GALNTL6: variants seen among roughly 807,000 people sequenced by gnomAD.
GALNTL6 encodes polypeptide N-acetylgalactosaminyltransferase-like 6.
Under a neutral mutation model 73.7 loss-of-function variants are expected in GALNTL6, and 46 were observed. The observed-to-expected ratio is 0.62, with a 90% CI of 0.49 to 0.80. GALNTL6 has a LOEUF of 0.80. Ranked by LOEUF, GALNTL6 falls within the 30% of genes least tolerant of loss-of-function variation. The pLI is 0.00. For missense variants in GALNTL6, 604 were observed against 755.0 expected (o/e 0.80, Z 2.34); for synonymous variants, 259 against 263.7 (o/e 0.98, Z 0.17).
chr4:172,540,456 A>G (rs1735511412), intron 5 of GALNTL6, among the ~76,000 whole-genome samples: 1 of 152,090 alleles, frequency 6.6e-6, no homozygotes, highest in East Asian at 1.9e-4. Context: ...CAAAAAATAA[A>G]AATAAATAAA....
intron 2 of GALNTL6, among the ~76,000 whole-genome samples, chr4:172,009,700 C>A (rs1360438380): frequency 1.3e-5 from 2 of 152,006 alleles, no homozygotes; most frequent in African/African-American, 4.8e-5. Flanking sequence ...CTATTGGTTT[C>A]TTTTGCTTTA....
chr4:172,486,975 C>T (rs1276236312), intron 5 of GALNTL6, among the ~76,000 whole-genome samples: 1 of 152,146 alleles, frequency 6.6e-6, no homozygotes, highest in Non-Finnish European at 1.5e-5. Context: ...GTATAAATCA[C>T]CTATTTCATT....
chr4:172,810,691 C>T (rs965628660), intron 6 of GALNTL6, among the ~76,000 whole-genome samples: 28 of 152,270 alleles, frequency 1.8e-4, no homozygotes, highest in African/African-American at 6.0e-4. Context: ...CAGCCACATA[C>T]GCCTGCACAG....
At chr4:172,696,904 A>G (rs11736072) in intron 5 of GALNTL6, among the ~76,000 whole-genome samples, 14,522 of 152,262 alleles carry the variant, frequency 0.095, 789 homozygotes, top group South Asian at 0.17. Flanking sequence ...TTCTCATAGT[A>G]ACTGGAAATT....
At chr4:172,163,295 C>T (rs1734528076) in intron 2 of GALNTL6, among the ~76,000 whole-genome samples, 1 of 151,942 alleles carries the variant, frequency 6.6e-6, no homozygotes, top group South Asian at 2.1e-4. Context: ...TTTTTATATT[C>T]CAAATGCCTC....
At chr4:172,166,696 A>T (rs1290188539) in intron 2 of GALNTL6, among the ~76,000 whole-genome samples, 1 of 152,168 alleles carries the variant, frequency 6.6e-6, no homozygotes, top group Non-Finnish European at 1.5e-5. Flanking sequence ...CTTCCTTAAA[A>T]TCTGAGCTTT....
chr4:171,968,868 G>T (rs960758160), intron 2 of GALNTL6, among the ~76,000 whole-genome samples: 1 of 150,704 alleles, frequency 6.6e-6, no homozygotes, highest in Non-Finnish European at 1.5e-5. Flanking sequence ...ACAGAGTCTC[G>T]CTCTGTCACC....
chr4:171,828,961 A>T (rs999489186), intron 2 of GALNTL6, among the ~76,000 whole-genome samples: 1 of 152,030 alleles, frequency 6.6e-6, no homozygotes, highest in Non-Finnish European at 1.5e-5. Context: ...ATAACATTTT[A>T]TTTTCTCTAG....
chr4:172,082,089 C>T (rs575059248), intron 2 of GALNTL6, among the ~76,000 whole-genome samples: 1 of 152,074 alleles, frequency 6.6e-6, no homozygotes, highest in African/African-American at 2.4e-5. Context: ...GCTATCCAGG[C>T]TGGTTTCAAA....
intron 2 of GALNTL6, among the ~76,000 whole-genome samples, chr4:171,986,884 A>C (rs1381748311): frequency 6.6e-6 from 1 of 152,198 alleles, no homozygotes; most frequent in Non-Finnish European, 1.5e-5. Context: ...AAGAGTTAAG[A>C]GTGGCAGTTT....
chr4:172,442,704 C>T (rs1010184499), intron 5 of GALNTL6, among the ~76,000 whole-genome samples: 7 of 152,036 alleles, frequency 4.6e-5, no homozygotes, highest in South Asian at 2.1e-4. Context: ...ATTCAGTTAC[C>T]GATATATTTC....
At chr4:172,553,391 T>TGTTA (rs1336705611) in intron 5 of GALNTL6, among the ~76,000 whole-genome samples, 1 of 152,200 alleles carries the variant, frequency 6.6e-6, no homozygotes, top group Non-Finnish European at 1.5e-5. Flanking sequence ...GGATGAGAAC[T>TGTTA]GTTATCTGAC....
At chr4:171,908,927 A>G in intron 2 of GALNTL6, among the ~76,000 whole-genome samples, 1 of 142,470 alleles carries the variant, frequency 7.0e-6, no homozygotes, top group Non-Finnish European at 1.5e-5. Context: ...TCTCACTCAT[A>G]GGTGGGAATT....
chr4:172,298,226 T>C (rs1027282926), intron 3 of GALNTL6, among the ~76,000 whole-genome samples: 7 of 152,232 alleles, frequency 4.6e-5, no homozygotes, highest in Non-Finnish European at 8.8e-5. Flanking sequence ...TTTGCTGATG[T>C]TGCTCATCAG....
intron 2 of GALNTL6, among the ~76,000 whole-genome samples, chr4:171,872,005 C>T (rs1192131470): frequency 6.6e-6 from 1 of 152,084 alleles, no homozygotes; most frequent in Non-Finnish European, 1.5e-5. Context: ...TTTGAAATAA[C>T]TAGGTTAGCA....
intron 7 of GALNTL6, among the ~76,000 whole-genome samples, chr4:172,816,672 G>C (rs1165713975): frequency 1.3e-5 from 2 of 152,140 alleles, no homozygotes; most frequent in Non-Finnish European, 2.9e-5. Context: ...GGATAACTTT[G>C]AGCATTAAGA....
intron 2 of GALNTL6, among the ~76,000 whole-genome samples, chr4:171,886,146 G>C (rs1004650562): frequency 6.6e-6 from 1 of 151,782 alleles, no homozygotes; most frequent in Admixed American, 6.6e-5. Flanking sequence ...TTTTAAGGTA[G>C]AAAATAAGAA....
At chr4:172,212,031 T>TC in intron 2 of GALNTL6, among the ~76,000 whole-genome samples, 1 of 152,328 alleles carries the variant, frequency 6.6e-6, no homozygotes, top group East Asian at 1.9e-4. Context: ...TCTTTAGTTT[T>TC]CCCCACTCAT....
chr4:172,366,703 CT>C (rs975279822), intron 5 of GALNTL6, among the ~76,000 whole-genome samples: 1 of 152,176 alleles, frequency 6.6e-6, no homozygotes, highest in Non-Finnish European at 1.5e-5. Context: ...CTCCCCTCCC[CT>C]AACCTTGATT....
Sources: gnomAD v4.1 joint callset for allele counts (sites outside exome capture counted in the v4.1 genomes callset) on GRCh38, gnomAD v4.1.1 for gene constraint, MANE v1.5 for transcripts, NCBI Gene and HGNC (gene_info 2026-07-23, HGNC 2026-07-21) for gene names.